ZNF280B: variants seen among roughly 807,000 people sequenced by gnomAD.
The protein encoded by ZNF280B is zinc finger protein 280B.
A neutral mutation model predicts 38.0 loss-of-function variants in ZNF280B; 16 were observed. The ratio of observed to expected loss-of-function variants is 0.42; its 90% CI spans 0.28 to 0.64. ZNF280B has a LOEUF of 0.64. Among genes scored for constraint, ZNF280B ranks in the 30% least tolerant of loss-of-function variants. The pLI is 0.21. For missense variants in ZNF280B, 581 were observed against 639.6 expected (o/e 0.91, Z 0.99); for synonymous variants, 253 against 230.6 (o/e 1.10, Z -0.88).
Position 22,487,511 on chromosome 22 carries a change from C to T in ZNF280B, c.*256G>A, listed in dbSNP as rs1441657282. The stretch of plus-strand genomic sequence containing the variant: ...AAAAAATAAATTAATACCTTTTTCT[C>T]TCTCTCACACACACACACAAACACC... On this transcript the variant is annotated 3_prime_UTR_variant, in exon 4 of 4. Transcript: ENST00000626650. The T allele has an allele frequency of 3.3e-6, 1 of 305,082 alleles. No homozygotes were observed. The highest frequency in any genetic ancestry group is 2.2e-5 in the African/African-American group (1 of 45,358). The allele number at this position is 305,082 out of a possible 1,614,324, so 18.9% of individuals were successfully genotyped here.
intron 1 of ZNF280B, among the ~76,000 whole-genome samples, 195 bp from the exon 2 acceptor site, chr22:22,508,065 C>G (rs2061975285): frequency 6.6e-6 from 1 of 151,962 alleles, no homozygotes; most frequent in South Asian, 2.1e-4. Flanking sequence ...CACCCGCCAA[C>G]TGCCCAAATC....
Position 22,487,627 on chromosome 22 carries a change from A to T in ZNF280B, c.*140T>A. On this transcript the variant is annotated 3_prime_UTR_variant, in exon 4 of 4. Transcript: ENST00000626650. Reference sequence around the variant, plus strand: ...TCAGATCAAATAATATATATCCTGAATCTTGTTTAAAAAGTCATATATAAT... The same window carrying T: ...TCAGATCAAATAATATATATCCTGATTCTTGTTTAAAAAGTCATATATAAT... The T allele has an allele frequency of 1.5e-6, 1 of 649,742 alleles. No homozygotes were observed. The allele number at this position is 649,742 out of a possible 1,614,324, so 40.2% of individuals were successfully genotyped here.
intron 2 of ZNF280B, among the ~76,000 whole-genome samples, chr22:22,504,910 T>C (rs1381706951): frequency 6.6e-6 from 1 of 152,014 alleles, no homozygotes; most frequent in East Asian, 2.0e-4. Flanking sequence ...TGTATTGGTC[T>C]GGTGATATAG....
At chr22:22,502,624 A>G (rs1444432074) in intron 2 of ZNF280B, among the ~76,000 whole-genome samples, 1 of 152,014 alleles carries the variant, frequency 6.6e-6, no homozygotes, top group African/African-American at 2.4e-5. Context: ...CAAGCATACA[A>G]TACGGTGTAC....
intron 2 of ZNF280B, among the ~76,000 whole-genome samples, chr22:22,505,966 CA>C (rs1168697544): frequency 6.6e-6 from 1 of 151,570 alleles, no homozygotes; most frequent in Non-Finnish European, 1.5e-5. Context: ...ATATTATGAA[CA>C]AAAGATGATG....
intron 2 of ZNF280B, among the ~76,000 whole-genome samples, chr22:22,496,718 G>A (rs2061703065): frequency 6.6e-6 from 1 of 151,780 alleles, no homozygotes; most frequent in South Asian, 2.1e-4. Context: ...GGTACCATAG[G>A]AGTCCTGGTG....
intron 2 of ZNF280B, among the ~76,000 whole-genome samples, chr22:22,502,283 T>C (rs185671038): frequency 1.3e-4 from 20 of 152,092 alleles, no homozygotes; most frequent in Admixed American, 9.2e-4. Flanking sequence ...AGGTTAGTTA[T>C]AAGCAAAAAC....
intron 2 of ZNF280B, among the ~76,000 whole-genome samples, chr22:22,502,223 T>C (rs535233360): frequency 7.3e-4 from 111 of 152,042 alleles, no homozygotes; most frequent in African/African-American, 2.6e-3. Flanking sequence ...AATATAGTCA[T>C]TAAGGAAATG....
intron 2 of ZNF280B, among the ~76,000 whole-genome samples, chr22:22,506,833 A>C (rs1041773387): frequency 4.6e-5 from 7 of 151,910 alleles, no homozygotes; most frequent in African/African-American, 1.7e-4. Context: ...ATCCTATGGA[A>C]AAGGGTTAAA....
At chr22:22,505,256 T>C (rs994019524) in intron 2 of ZNF280B, among the ~76,000 whole-genome samples, 3 of 151,922 alleles carry the variant, frequency 2.0e-5, no homozygotes, top group African/African-American at 7.2e-5. Context: ...GCCAAGATCA[T>C]GTAGGCCATT....
In ZNF280B at chr22:22,486,271, A is replaced by T. The variant is rs1211250673; in HGVS notation, c.*1496T>A. Reference sequence around the variant, plus strand: ...TATATGCACAGAAAAATATAAAGCCATTATGGGTTTAAATTCAGTCAGTCA... The same window carrying T: ...TATATGCACAGAAAAATATAAAGCCTTTATGGGTTTAAATTCAGTCAGTCA... On this transcript the variant is annotated 3_prime_UTR_variant, in exon 4 of 4. Coordinates refer to ENST00000626650, the MANE Select transcript of ZNF280B (RefSeq NM_080764.4). The T allele has an allele frequency of 6.6e-6, 1 of 152,234 alleles. No individual in the cohort carries two copies. The highest frequency in any genetic ancestry group is 2.4e-5 in the African/African-American group (1 of 41,418). The allele number at this position is 152,234 out of a possible 1,614,324, so 9.4% of individuals were successfully genotyped here.
rs775732868 is a variant in ZNF280B at position 22,488,712 on chromosome 22, A to C, written c.687T>G (p.Val229=). The C allele has an allele frequency of 1.1e-5, 18 of 1,613,770 alleles. No homozygotes were observed. The Admixed American group carries it at 1.2e-4, about 10-fold the overall frequency. The change falls in exon 4 of 4, where the codon GTT becomes GTG. Residue 229 remains valine, a synonymous_variant. Coordinates refer to ENST00000626650, the MANE Select transcript of ZNF280B (RefSeq NM_080764.4). ...CTGCTGGAAAAGGTGCTCCATTCTG[A>C]ACATGGCTTAATGAGGTATGAACAT... ...SNNVHTSLSH[V]QNGAPFPAAF... is the part of the protein sequence containing the mutation.
At chr22:22,489,607 GT>G in intron 3 of ZNF280B, 141 bp from the exon 4 acceptor site, 1 of 505,382 alleles carries the variant, frequency 2.0e-6, no homozygotes. Context: ...CTTAAAACCT[GT>G]GATAAAAGAT....
chr22:22,490,049 T>C (rs1385436372), intron 3 of ZNF280B, among the ~76,000 whole-genome samples: 2 of 151,822 alleles, frequency 1.3e-5, no homozygotes, highest in African/African-American at 4.8e-5. Flanking sequence ...AGAAAAGAGG[T>C]ATTAAATTTA....
intron 2 of ZNF280B, among the ~76,000 whole-genome samples, chr22:22,498,195 T>C (rs2061740283): frequency 6.6e-6 from 1 of 151,996 alleles, no homozygotes; most frequent in South Asian, 2.1e-4. Context: ...TGCCAGAAGA[T>C]AGGAAAGGGA....
chr22:22,489,004 T>A lies in ZNF280B; in HGVS notation c.395A>T (p.Gln132Leu). The change falls in exon 4 of 4, where the codon CAA becomes CTA. Residue 132 changes from glutamine (Q) to leucine (L), a missense_variant. Gln to Leu is a moderately radical substitution (Grantham distance 113). Coordinates refer to ENST00000626650, the MANE Select transcript of ZNF280B (RefSeq NM_080764.4). ...SKPDYRNSSPQVVPNNSSELP... is the reference protein window; with the variant it reads ...SKPDYRNSSPLVVPNNSSELP... ...TTCTGAAGAGTTATTAGGCACAACT[T>A]GTGGTGAACTATTTCTATAATCAGG... 2 of 1,613,810 alleles carry A rather than the reference T, an allele frequency of 1.2e-6. No individual in the cohort carries two copies. Among genetic ancestry groups the A allele is most frequent in the Non-Finnish European group, 1.7e-6 (2 of 1,179,958 alleles).
chr22:22,489,091 G>C lies in ZNF280B; in HGVS notation c.308C>G (p.Pro103Arg), dbSNP rs2061543678. ...TVTSEAVTVL[P>R]ASQLESRSTD... ...TGATCTCGATTCAAGTTGGGAAGCT[G>C]GCAGGACGGTCACTGCTTCTGATGT... The change falls in exon 4 of 4, where the codon CCA becomes CGA. Residue 103 changes from proline to arginine, a missense_variant. Coordinates refer to ENST00000626650, the MANE Select transcript of ZNF280B (RefSeq NM_080764.4). 6.2e-7 allele frequency: 1 copy of C among 1,613,842 alleles called. No homozygotes were observed. Among genetic ancestry groups the C allele is most frequent in the Non-Finnish European group, 8.5e-7 (1 of 1,179,960 alleles).
intron 3 of ZNF280B, among the ~76,000 whole-genome samples, chr22:22,491,551 C>T (rs557688360): frequency 7.8e-4 from 117 of 150,638 alleles, no homozygotes; most frequent in Non-Finnish European, 1.4e-3. Flanking sequence ...CTCTGCCTCC[C>T]GGGTTCAAGC....
chr22:22,502,683 T>C (rs781463475), intron 2 of ZNF280B, among the ~76,000 whole-genome samples: 11 of 151,926 alleles, frequency 7.2e-5, no homozygotes, highest in African/African-American at 1.2e-4. Flanking sequence ...GGCCGCATAT[T>C]TTATTATTTT....
Sources: allele counts gnomAD v4.1 joint callset (sites outside exome capture counted in the v4.1 genomes callset), GRCh38; gene constraint gnomAD v4.1.1; transcripts MANE v1.5; gene names NCBI Gene and HGNC (gene_info 2026-07-23, HGNC 2026-07-21).